Variants in HIPK3 observed in about 807,000 individuals in gnomAD.
HIPK3 encodes homeodomain interacting protein kinase 3.
HIPK3 carries 47 observed loss-of-function variants against 124.2 expected under a neutral mutation model. That is an observed-to-expected ratio of 0.38 (90% CI 0.30 to 0.48). HIPK3 has a LOEUF of 0.48. HIPK3 is among the 20% of genes least tolerant of loss of function. HIPK3 has a pLI of 0.98. For synonymous variants in HIPK3, 482 were observed against 515.2 expected (o/e 0.94, Z 0.87); for missense variants, 1,286 against 1,454.3 (o/e 0.88, Z 1.88).
chr11:33,327,534 G>A (rs936562969), intron 2 of HIPK3, among the ~76,000 whole-genome samples: 3 of 152,150 alleles, frequency 2.0e-5, no homozygotes, highest in Admixed American at 1.3e-4. Flanking sequence ...CTTAAATGGA[G>A]TCTGAAGCTT....
rs1850706242 is a variant in HIPK3 at position 33,257,805 on chromosome 11, G to A, written c.-87G>A. 2.0e-6 allele frequency: 2 copies of A among 986,754 alleles called. No homozygotes were observed. Among genetic ancestry groups the A allele is most frequent in the African/African-American group, 3.5e-5 (2 of 57,372 alleles). The allele number at this position is 986,754 out of a possible 1,614,324, so 61.1% of individuals were successfully genotyped here. A position where few individuals can be genotyped will look rare whatever the true frequency, so the allele number is the denominator to read the frequency against. ...CGCCTGCTGAAGCGCCTGGCTCCCG[G>A]TCCCCGGCACGGCCCTGCGCCCCAC... On this transcript the variant is annotated 5_prime_UTR_variant, in exon 1 of 17. Coordinates refer to ENST00000303296, the MANE Select transcript of HIPK3 (RefSeq NM_005734.5).
chr11:33,346,229 CATT>C (rs1448013774), intron 8 of HIPK3, among the ~76,000 whole-genome samples: 1 of 152,090 alleles, frequency 6.6e-6, no homozygotes, highest in Non-Finnish European at 1.5e-5. Flanking sequence ...GCTATATTAA[CATT>C]ATAGTAACAT....
chr11:33,338,297 G>A (rs908213135), intron 4 of HIPK3, among the ~76,000 whole-genome samples: 5 of 151,802 alleles, frequency 3.3e-5, no homozygotes, highest in Non-Finnish European at 7.4e-5. Flanking sequence ...GCAGTGGCGC[G>A]ATCTTGGTTC....
At position 33,285,555 on chromosome 11, in the gene HIPK3, G is replaced by A. The variant is rs1490246064; in HGVS notation, c.-2-858G>A. Among the ~76,000 whole-genome samples, 5 of 102,074 alleles carry A rather than the reference G, an allele frequency of 4.9e-5. 1 individual carries two copies. Among genetic ancestry groups the A allele is most frequent in the African/African-American group, 7.9e-5 (2 of 25,188 alleles). 67.0% of individuals were successfully genotyped at this position (102,074 alleles called of 152,430 possible). A position where few individuals can be genotyped will look rare whatever the true frequency, so the allele number is the denominator to read the frequency against. On this transcript the variant is annotated intron_variant, in intron 1 of 16. Coordinates refer to ENST00000303296, the MANE Select transcript of HIPK3 (RefSeq NM_005734.5). Reference sequence around the variant, plus strand: ...ATCCCTGCCATAGGTGGGGCATAGCGAAACTCTGTCTCAAAAAAAAAAAAT... The same window carrying A: ...ATCCCTGCCATAGGTGGGGCATAGCAAAACTCTGTCTCAAAAAAAAAAAAT...
At chr11:33,259,645 C>T (rs1850771617) in intron 1 of HIPK3, among the ~76,000 whole-genome samples, 1 of 151,800 alleles carries the variant, frequency 6.6e-6, no homozygotes, top group African/African-American at 2.4e-5. Context: ...AACTATAATG[C>T]TTAACCTGTT....
rs1412425499 is a variant in HIPK3, at chr11:33,280,396, T to TGG, written c.-2-6016_-2-6015dup. 2.6e-5 allele frequency among the ~76,000 whole-genome samples: 4 copies of TGG among 152,150 alleles called. No individual in the cohort carries two copies. In the South Asian group the frequency reaches 6.2e-4, roughly 24 times the overall value. ...ACTAGCAAGTCGTGAGTATGTCTGA[T>TGG]GGAGGGTAGGAGAAGGAAAAGAGTT... On this transcript the variant is annotated intron_variant, in intron 1 of 16. Transcript: ENST00000303296.
intron 1 of HIPK3, among the ~76,000 whole-genome samples, chr11:33,265,769 T>C (rs1398746261): frequency 1.9e-5 from 1 of 52,276 alleles, no homozygotes; most frequent in African/African-American, 8.0e-5. Context: ...TGAGACCTTG[T>C]CTCAAAAAAA....
intron 1 of HIPK3, chr11:33,258,506 G>GC: frequency 1.0e-6 from 1 of 985,386 alleles, no homozygotes; most frequent in Non-Finnish European, 1.2e-6. Context: ...AATGTGATCC[G>GC]CGGCTCCGCG....
chr11:33,274,599 G>T (rs2133882409), intron 1 of HIPK3, among the ~76,000 whole-genome samples: 1 of 152,240 alleles, frequency 6.6e-6, no homozygotes, highest in East Asian at 1.9e-4. Flanking sequence ...GGAACTTCAG[G>T]TAAACTTTTT....
At chr11:33,284,173 A>G (rs1365836922) in intron 1 of HIPK3, among the ~76,000 whole-genome samples, 1 of 152,194 alleles carries the variant, frequency 6.6e-6, no homozygotes, top group East Asian at 1.9e-4. Context: ...TAAGAGTAGG[A>G]GACCACATAG....
At chr11:33,341,175 G>C in intron 7 of HIPK3, 48 bp downstream of exon 7, 1 of 1,397,930 alleles carries the variant, frequency 7.2e-7, no homozygotes, top group South Asian at 1.4e-5. Flanking sequence ...TTTAATGATT[G>C]CGCATTTTAC....
chr11:33,341,060 C>G lies in HIPK3; in HGVS notation c.1706C>G (p.Pro569Arg), dbSNP rs751168585. 1.9e-6 allele frequency: 3 copies of G among 1,611,670 alleles called. No individual in the cohort carries two copies. Among genetic ancestry groups the G allele is most frequent in the Non-Finnish European group, 2.5e-6 (3 of 1,178,442 alleles). Residue 569 changes from proline to arginine, a missense_variant, in exon 7 of 17, where the codon CCA becomes CGA. Pro to Arg is a moderately radical substitution (Grantham distance 103). Coordinates refer to ENST00000303296, the MANE Select transcript of HIPK3 (RefSeq NM_005734.5). The stretch of plus-strand genomic sequence containing the variant: ...CACAACAAAACTTCACTTTTAAGAC[C>G]AGTTGCTTCAAGCAGTACTGCTACA... ...NNHNKTSLLR[P>R]VASSSTATLT...
At chr11:33,296,504 T>C (rs1565070413) in intron 2 of HIPK3, among the ~76,000 whole-genome samples, 1 of 152,248 alleles carries the variant, frequency 6.6e-6, no homozygotes, top group Non-Finnish European at 1.5e-5. Flanking sequence ...CACATATACA[T>C]GCTTTTTACA....
chr11:33,267,751 C>T (rs929775209), intron 1 of HIPK3, among the ~76,000 whole-genome samples: 59 of 152,172 alleles, frequency 3.9e-4, no homozygotes, highest in Non-Finnish European at 6.5e-4. Flanking sequence ...CCGCCTCGGC[C>T]TCCCAAAGTG....
chr11:33,309,094 A>G (rs1267667094), intron 2 of HIPK3, among the ~76,000 whole-genome samples: 1 of 152,194 alleles, frequency 6.6e-6, no homozygotes. Context: ...CCTTCTGTGT[A>G]AAAATGAAGA....
chr11:33,296,257 CT>C (rs1432510970), intron 2 of HIPK3, among the ~76,000 whole-genome samples: 5 of 152,298 alleles, frequency 3.3e-5, no homozygotes, highest in Middle Eastern at 6.8e-3. Flanking sequence ...TCAGGGTTTA[CT>C]TTCTGGCACC....
At chr11:33,304,048 C>T (rs1259605130) in intron 2 of HIPK3, among the ~76,000 whole-genome samples, 1 of 152,136 alleles carries the variant, frequency 6.6e-6, no homozygotes, top group Non-Finnish European at 1.5e-5. Flanking sequence ...TCATGCGATT[C>T]CTCTGCCTCA....
intron 2 of HIPK3, among the ~76,000 whole-genome samples, chr11:33,301,119 C>T (rs1851986489): frequency 6.6e-6 from 1 of 152,140 alleles, no homozygotes; most frequent in East Asian, 1.9e-4. Context: ...TGTAATCCCT[C>T]ATTTGACACC....
At chr11:33,289,500 A>G (rs556361372) in intron 2 of HIPK3, among the ~76,000 whole-genome samples, 1 of 152,260 alleles carries the variant, frequency 6.6e-6, no homozygotes, top group African/African-American at 2.4e-5. Context: ...TACCTTTAGT[A>G]TATTCTTTTT....
Sources: allele counts gnomAD v4.1 joint callset (sites outside exome capture counted in the v4.1 genomes callset), GRCh38; gene constraint gnomAD v4.1.1; transcripts MANE v1.5; gene names NCBI Gene and HGNC (gene_info 2026-07-23, HGNC 2026-07-21).